Variants in GGTA1 observed in about 807,000 individuals in gnomAD.
The protein encoded by GGTA1 is inactive N-acetyllactosaminide alpha-1,3-galactosyltransferase.
A neutral mutation model predicts 2.6 loss-of-function variants in GGTA1; 5 were observed. The ratio of observed to expected loss-of-function variants is 1.92; its 90% CI spans 1.00 to 4.04. The LOEUF is 4.04. Ranked by LOEUF, GGTA1 falls within the 30% of genes most tolerant of loss-of-function variation. The pLI is 0.00. For missense variants in GGTA1, 50 were observed against 16.7 expected (o/e 2.99, Z -3.47); for synonymous variants, 17 against 5.0 (o/e 3.38, Z -3.19).
chr9:121,487,770 C>A (rs1335988878), intron 1 of GGTA1, among the ~76,000 whole-genome samples: 1 of 152,030 alleles, frequency 6.6e-6, no homozygotes, highest in Non-Finnish European at 1.5e-5. Flanking sequence ...GGCTGGAGTG[C>A]AGTGGCATGA....
chr9:121,489,652 A>G (rs560172926), intron 1 of GGTA1, among the ~76,000 whole-genome samples: 5 of 152,388 alleles, frequency 3.3e-5, no homozygotes, highest in East Asian at 1.9e-4. Context: ...CAAAGACCAC[A>G]TACCAGAGCT....
intron 7 of GGTA1, among the ~76,000 whole-genome samples, chr9:121,449,563 C>T (rs543670107): frequency 3.2e-4 from 48 of 152,222 alleles, no homozygotes; most frequent in African/African-American, 8.9e-4. Context: ...CTCCCATTGC[C>T]GGGCACGGTG....
At chr9:121,490,886 TA>T (rs1166785915) in intron 1 of GGTA1, among the ~76,000 whole-genome samples, 1 of 152,220 alleles carries the variant, frequency 6.6e-6, no homozygotes, top group Non-Finnish European at 1.5e-5. Flanking sequence ...TCTCATTTGC[TA>T]CTCAATGTAG....
intron 1 of GGTA1, among the ~76,000 whole-genome samples, chr9:121,482,906 G>A (rs1326040623): frequency 1.3e-5 from 2 of 152,084 alleles, no homozygotes; most frequent in African/African-American, 2.4e-5. Context: ...AGCCAAGATC[G>A]CTCCACTGCA....
intron 1 of GGTA1, among the ~76,000 whole-genome samples, chr9:121,470,092 G>A (rs1282427504): frequency 2.0e-5 from 3 of 152,292 alleles, no homozygotes; most frequent in South Asian, 4.1e-4. Flanking sequence ...TTTGGGACCC[G>A]TGAGCATAAT....
At chr9:121,488,207 A>G (rs1828800952) in intron 1 of GGTA1, among the ~76,000 whole-genome samples, 1 of 152,072 alleles carries the variant, frequency 6.6e-6, no homozygotes, top group Non-Finnish European at 1.5e-5. Flanking sequence ...GTGGCTATTC[A>G]GACATGATCA....
downstream of GGTA1, among the ~76,000 whole-genome samples, chr9:121,453,674 T>G (rs935405784): frequency 6.6e-6 from 1 of 152,218 alleles, no homozygotes; most frequent in Non-Finnish European, 1.5e-5. Context: ...AAAGTCCTGG[T>G]GATCCCTACT....
At chr9:121,461,902 C>T (rs2064963186) in intron 3 of GGTA1, among the ~76,000 whole-genome samples, 2 of 152,040 alleles carry the variant, frequency 1.3e-5, no homozygotes, top group Admixed American at 6.6e-5. Context: ...TTTGGGTTGC[C>T]CAAAGGTTAG....
At chr9:121,460,839 G>C (rs2064954881) in intron 4 of GGTA1, among the ~76,000 whole-genome samples, 2 of 151,482 alleles carry the variant, frequency 1.3e-5, no homozygotes, top group African/African-American at 4.9e-5. Context: ...GAGCAAAACT[G>C]CATCTCAAAA....
chr9:121,492,271 T>C (rs1441589570), intron 1 of GGTA1, among the ~76,000 whole-genome samples: 1 of 152,100 alleles, frequency 6.6e-6, no homozygotes. Context: ...CCTGCTTTTG[T>C]TTCATCGCAG....
At chr9:121,482,871 G>A (rs971030262) in intron 1 of GGTA1, among the ~76,000 whole-genome samples, 2 of 152,040 alleles carry the variant, frequency 1.3e-5, no homozygotes, top group African/African-American at 2.4e-5. Context: ...ATTGGAATCC[G>A]GGAGGCGGGG....
Position 121,476,973 on chromosome 9 carries a change from T to G in GGTA1, c.-9-9042A>C, listed in dbSNP as rs983406915. ...AGAAACAACCGGTCCCAGGTGGACC[T>G]TGTTGAGCACCTGGGCCCCTCCTCC... On this transcript the variant is annotated intron_variant, in intron 1 of 5. Transcript: ENST00000481799. The surrounding 1 kb of genome is among the most constrained non-coding windows in gnomAD (Gnocchi z 4.6). Among the ~76,000 whole-genome samples, 1 of 152,154 alleles carries G rather than the reference T, an allele frequency of 6.6e-6. No homozygotes were observed. Among genetic ancestry groups the G allele is most frequent in the African/African-American group, 2.4e-5 (1 of 41,428 alleles).
At chr9:121,467,130 CT>C (rs2065010821) in intron 2 of GGTA1, among the ~76,000 whole-genome samples, 1 of 152,110 alleles carries the variant, frequency 6.6e-6, no homozygotes, top group Non-Finnish European at 1.5e-5. Context: ...CTTTTCCAGT[CT>C]TTTGAGTCAA....
chr9:121,488,948 A>G (rs1828816833), intron 1 of GGTA1, among the ~76,000 whole-genome samples: 1 of 152,104 alleles, frequency 6.6e-6, no homozygotes, highest in Non-Finnish European at 1.5e-5. Context: ...CTTGAAAGTG[A>G]TAAGGAGGGG....
intron 2 of GGTA1, among the ~76,000 whole-genome samples, chr9:121,464,935 G>A (rs1050678972): frequency 6.7e-6 from 1 of 150,074 alleles, no homozygotes; most frequent in African/African-American, 2.4e-5. Flanking sequence ...ACCTGTGTAA[G>A]GTTTGTGTCC....
At chr9:121,469,349 A>G (rs973491864) in intron 1 of GGTA1, among the ~76,000 whole-genome samples, 1 of 152,236 alleles carries the variant, frequency 6.6e-6, no homozygotes, top group Admixed American at 6.5e-5. Context: ...GACAGCATTA[A>G]AGAAGAAAAA....
intron 5 of GGTA1, among the ~76,000 whole-genome samples, chr9:121,459,357 G>A (rs2064940497): frequency 6.6e-6 from 1 of 152,164 alleles, no homozygotes. Context: ...AGGAGGCTAA[G>A]CCTGGGAGGT....
intron 1 of GGTA1, among the ~76,000 whole-genome samples, chr9:121,498,747 G>C (rs372867441): frequency 8.3e-4 from 127 of 152,254 alleles, no homozygotes; most frequent in African/African-American, 2.6e-3. Context: ...CTCGGGTCTC[G>C]GTTCCTTCCT....
chr9:121,460,835 A>G (rs2064954833), intron 4 of GGTA1, among the ~76,000 whole-genome samples: 2 of 151,500 alleles, frequency 1.3e-5, no homozygotes, highest in African/African-American at 4.9e-5. Flanking sequence ...ATAAGAGCAA[A>G]ACTGCATCTC....
Sources: allele counts gnomAD v4.1 joint callset (sites outside exome capture counted in the v4.1 genomes callset), GRCh38; gene constraint gnomAD v4.1.1; non-coding constraint Gnocchi (gnomAD v3.1); transcripts MANE v1.5; gene names NCBI Gene and HGNC (gene_info 2026-07-23, HGNC 2026-07-21).